Variants in PCDHGA11 observed in about 807,000 individuals in gnomAD.
PCDHGA11 encodes the protein protocadherin gamma subfamily A, 11.
A neutral mutation model predicts 60.4 loss-of-function variants in PCDHGA11; 39 were observed. The observed-to-expected ratio is 0.65, with a 90% confidence interval of 0.50 to 0.84. PCDHGA11 has a LOEUF of 0.84. PCDHGA11 is among the 40% of genes least tolerant of loss of function. PCDHGA11 has a pLI of 0.00. For missense variants in PCDHGA11, 1,165 were observed against 1,197.7 expected, an observed-to-expected ratio of 0.97 and a Z score of 0.40; for synonymous variants, 533 against 510.3, an observed-to-expected ratio of 1.04 and a Z score of -0.60.
intron 1 of PCDHGA11, among the ~76,000 whole-genome samples, chr5:141,494,382 G>C (rs1311387598): frequency 6.6e-6 from 1 of 152,182 alleles, no homozygotes; most frequent in Non-Finnish European, 1.5e-5. Flanking sequence ...CCCAGCTGAG[G>C]AGTTGAATAA....
chr5:141,421,410 G>A lies in PCDHGA11; in HGVS notation c.183G>A (p.Ala61=), dbSNP rs538537555. The change falls in exon 1 of 4, where the codon GCG becomes GCA. Residue 61 remains alanine, a synonymous_variant. Transcript: ENST00000398587. ...KDLGLEPREL[A]KRGVRIVSRG... is the part of the protein sequence containing the mutation. ...TGGGGCTGGAGCCCCGGGAGCTGGCGAAGCGCGGAGTCCGCATCGTCTCCA... is the reference window on the plus strand; with the variant it reads ...TGGGGCTGGAGCCCCGGGAGCTGGCAAAGCGCGGAGTCCGCATCGTCTCCA... The A allele has an allele frequency of 3.7e-6, 6 of 1,614,084 alleles. No homozygotes were observed. In the African/African-American group the frequency reaches 6.7e-5, roughly 18 times the overall value.
In PCDHGA11 at chr5:141,489,720, G is replaced by A. The variant is rs560729125; in HGVS notation, c.2434-5087G>A. ...TCCCACTGGACAGTGCCCAGGATCC[G>A]GATGTGGGCACCAATACTGTGAGCT... On this transcript the variant is annotated intron_variant, in intron 1 of 3. Transcript: ENST00000398587. The surrounding 1 kb of genome is among the most constrained non-coding windows in gnomAD (Gnocchi z 4.5). The A allele has an allele frequency of 3.2e-5, 51 of 1,614,200 alleles. No individual in the cohort carries two copies. The highest frequency in any genetic ancestry group is 9.3e-5 in the African/African-American group (7 of 75,048).
At chr5:141,482,888 A>G (rs1012212528) in intron 1 of PCDHGA11, among the ~76,000 whole-genome samples, 3 of 152,208 alleles carry the variant, frequency 2.0e-5, no homozygotes, top group African/African-American at 7.2e-5. Context: ...CCTGGCCAAC[A>G]TGGTGAAACC....
chr5:141,492,894 G>A (rs2099744893), intron 1 of PCDHGA11, among the ~76,000 whole-genome samples: 1 of 152,202 alleles, frequency 6.6e-6, no homozygotes, highest in Admixed American at 6.5e-5. Flanking sequence ...GGCTTTTGGC[G>A]CCGTCGTGAT....
chr5:141,489,530 G>C lies in PCDHGA11; in HGVS notation c.2434-5277G>C, dbSNP rs751249228. 17 of 1,614,092 alleles carry C rather than the reference G, an allele frequency of 1.1e-5. 1 individual carries two copies. In the South Asian group the frequency reaches 1.9e-4, roughly 18 times the overall value. ...AAGATTGACCGAGAAAGCCTATGTG[G>C]AGCCAGCACCAGCTGCCTGCTGCCA... On this transcript the variant is annotated intron_variant, in intron 1 of 3. Coordinates refer to ENST00000398587, the MANE Select transcript of PCDHGA11 (RefSeq NM_018914.3). The surrounding 1 kb of genome is among the most constrained non-coding windows in gnomAD (Gnocchi z 4.5).
At chr5:141,463,725 C>T (rs1259646105) in intron 1 of PCDHGA11, among the ~76,000 whole-genome samples, 2 of 152,026 alleles carry the variant, frequency 1.3e-5, no homozygotes, top group Non-Finnish European at 1.5e-5. Context: ...GGATTACAGG[C>T]ATGAGCCACC....
Position 141,485,087 on chromosome 5 carries a change from T to G in PCDHGA11, c.2434-9720T>G. The G allele has an allele frequency of 2.0e-6, 2 of 1,000,176 alleles. No homozygotes were observed. The highest frequency in any genetic ancestry group is 1.5e-6 in the Non-Finnish European group (1 of 651,808). 62.0% of individuals were successfully genotyped at this position (1,000,176 alleles called of 1,614,324 possible). A position where few individuals can be genotyped will look rare whatever the true frequency, so the allele number is the denominator to read the frequency against. The stretch of plus-strand genomic sequence containing the variant: ...CAGAGCTGGCGCGGGGAAAGGGAGA[T>G]AGGTGTCTCCAGCTGCTGTGGCTGT... On this transcript the variant is annotated intron_variant, in intron 1 of 3. Transcript: ENST00000398587. This position sits in a 1 kb window ranked among gnomAD's most constrained non-coding sequence, Gnocchi z 5.7.
chr5:141,470,825 C>T (rs557419577), intron 1 of PCDHGA11, among the ~76,000 whole-genome samples: 5 of 152,064 alleles, frequency 3.3e-5, no homozygotes, highest in Admixed American at 1.3e-4. Context: ...GTAGTTAGGA[C>T]GACAAACACA....
intron 1 of PCDHGA11, chr5:141,428,680 G>T: frequency 6.1e-6 from 1 of 162,778 alleles, no homozygotes; most frequent in Admixed American, 5.8e-5. Context: ...ATTTACAAAT[G>T]GATGAGGTTT....
In PCDHGA11 at chr5:141,432,635, G is replaced by T. The variant is rs754354737; in HGVS notation, c.2433+8975G>T. 8.7e-6 allele frequency: 14 copies of T among 1,613,004 alleles called. No individual in the cohort carries two copies. The South Asian group carries it at 1.4e-4, about 16-fold the overall frequency. On this transcript the variant is annotated intron_variant, in intron 1 of 3. Transcript: ENST00000398587. This position sits in a 1 kb window ranked among gnomAD's most constrained non-coding sequence, Gnocchi z 6.0. ...CTCGGTGGGTCTGCACACGGGCGAGGTGCGCACGGCGCGAGCCCTGCTGGA... is the reference window on the plus strand; with the variant it reads ...CTCGGTGGGTCTGCACACGGGCGAGTTGCGCACGGCGCGAGCCCTGCTGGA...
intron 1 of PCDHGA11, among the ~76,000 whole-genome samples, chr5:141,447,954 CGGACACCTA>C (rs2098556369): frequency 6.6e-6 from 1 of 151,814 alleles, no homozygotes; most frequent in Non-Finnish European, 1.5e-5. Context: ...GGCATGGTGG[CGGACACCTA>C]TAATCCCAGC....
chr5:141,496,440 A>G (rs2099768848), intron 2 of PCDHGA11, among the ~76,000 whole-genome samples: 1 of 152,158 alleles, frequency 6.6e-6, no homozygotes, highest in South Asian at 2.1e-4. Flanking sequence ...AAGTTGCTAC[A>G]GATGCTGAGC....
At chr5:141,456,142 C>A (rs1258425044) in intron 1 of PCDHGA11, among the ~76,000 whole-genome samples, 1 of 152,052 alleles carries the variant, frequency 6.6e-6, no homozygotes, top group Non-Finnish European at 1.5e-5. Flanking sequence ...CCTGATCCGC[C>A]CGCCTCGGCC....
chr5:141,422,432 A>G lies in PCDHGA11; in HGVS notation c.1205A>G (p.Tyr402Cys). ...AAATTAGAAAAGACTTATGGAAATT[A>G]TTACAAATTGATAACAAGCAGAGTG... ...PFKLEKTYGNYYKLITSRVLD... is the reference protein window; with the variant it reads ...PFKLEKTYGNCYKLITSRVLD... The change falls in exon 1 of 4, where the codon TAT (tyrosine) becomes TGT (cysteine). Residue 402 changes from tyrosine to cysteine, a missense_variant. By Grantham distance (194) the Tyr-to-Cys change is radical (BLOSUM62 -2). Transcript: ENST00000398587. 6.2e-7 allele frequency: 1 copy of G among 1,609,448 alleles called. No homozygotes were observed. The highest frequency in any genetic ancestry group is 8.5e-7 in the Non-Finnish European group (1 of 1,178,640).
chr5:141,502,402 A>T (rs1317862793), intron 2 of PCDHGA11, among the ~76,000 whole-genome samples: 1 of 151,976 alleles, frequency 6.6e-6, no homozygotes, highest in Admixed American at 6.6e-5. Flanking sequence ...AATGTCCCCG[A>T]ACCTGGATTT....
rs759809060 is a variant in PCDHGA11, at chr5:141,476,317, G to A, written c.2434-18490G>A. 1.2e-6 allele frequency: 2 copies of A among 1,614,170 alleles called. No individual in the cohort carries two copies. Among genetic ancestry groups the A allele is most frequent in the South Asian group, 2.2e-5 (2 of 91,078 alleles). On this transcript the variant is annotated intron_variant, in intron 1 of 3. Coordinates refer to ENST00000398587, the MANE Select transcript of PCDHGA11 (RefSeq NM_018914.3). This position sits in a 1 kb window ranked among gnomAD's most constrained non-coding sequence, Gnocchi z 7.6. Reference sequence around the variant, plus strand: ...GTAGCCTCTCAGCCCGCAGGTTCCGGGTGGTGTCTGGAGCTAGCCGAAGAT... The same window carrying A: ...GTAGCCTCTCAGCCCGCAGGTTCCGAGTGGTGTCTGGAGCTAGCCGAAGAT...
At chr5:141,481,180 T>C (rs1354907506) in intron 1 of PCDHGA11, among the ~76,000 whole-genome samples, 1 of 152,236 alleles carries the variant, frequency 6.6e-6, no homozygotes, top group Admixed American at 6.5e-5. Flanking sequence ...CCAGCTTTAT[T>C]GGGCCAGGCC....
At chr5:141,456,149 G>A (rs377506220) in intron 1 of PCDHGA11, among the ~76,000 whole-genome samples, 1 of 151,866 alleles carries the variant, frequency 6.6e-6, no homozygotes, top group East Asian at 1.9e-4. Flanking sequence ...CGCCCGCCTC[G>A]GCCTCCTAAA....
intron 1 of PCDHGA11, among the ~76,000 whole-genome samples, chr5:141,436,809 A>T (rs2097847373): frequency 6.6e-6 from 1 of 152,242 alleles, no homozygotes; most frequent in Non-Finnish European, 1.5e-5. Context: ...TTTTTGTGAC[A>T]GCTGGTTTAA....
Sources: gnomAD v4.1 joint callset for allele counts (sites outside exome capture counted in the v4.1 genomes callset) on GRCh38, gnomAD v4.1.1 for gene constraint, Gnocchi (gnomAD v3.1) non-coding constraint, MANE v1.5 for transcripts, NCBI Gene and HGNC (gene_info 2026-07-23, HGNC 2026-07-21) for gene names.